CSNK1A1: variants seen among roughly 807,000 people sequenced by gnomAD.
CSNK1A1 encodes the protein casein kinase I isoform alpha.
In CSNK1A1, 7 loss-of-function variants were observed where a neutral mutation model predicts 46.1. That is an observed-to-expected ratio of 0.15 (90% CI 0.09 to 0.29). CSNK1A1 has a LOEUF of 0.29. CSNK1A1 is among the 10% of genes least tolerant of loss of function. The pLI is 1.00. For missense variants in CSNK1A1, 96 were observed against 417.1 expected (o/e 0.23, Z 6.71); for synonymous variants, 137 against 141.5 (o/e 0.97, Z 0.23).
Position 149,496,117 on chromosome 5 carries a change from G to A in CSNK1A1, c.*736C>T, listed in dbSNP as rs923053466. The A allele has an allele frequency of 1.3e-5, 2 of 152,378 alleles. No individual in the cohort carries two copies. Among genetic ancestry groups the A allele is most frequent in the African/African-American group, 4.8e-5 (2 of 41,362 alleles). 9.4% of individuals were successfully genotyped at this position (152,378 alleles called of 1,614,324 possible). A position where few individuals can be genotyped will look rare whatever the true frequency, so the allele number is the denominator to read the frequency against. On this transcript the variant is annotated 3_prime_UTR_variant, in exon 10 of 10. Coordinates refer to ENST00000377843, the MANE Select transcript of CSNK1A1 (RefSeq NM_001892.6). ...TCTAAGCAACATACATACATGTTCA[G>A]TTGTAAGATGTTAACTAAATTTCTG...
intron 2 of CSNK1A1, among the ~76,000 whole-genome samples, chr5:149,531,739 T>G (rs1367043229): frequency 2.1e-5 from 3 of 146,202 alleles, no homozygotes; most frequent in African/African-American, 7.6e-5. Context: ...CACATGGTGG[T>G]GGGGACCTGT....
intron 9 of CSNK1A1, chr5:149,505,054 C>T: frequency 1.0e-6 from 1 of 988,252 alleles, no homozygotes; most frequent in Non-Finnish European, 1.2e-6. Context: ...ATATGGCTAA[C>T]CAAATTCATT....
Position 149,525,066 on chromosome 5 carries a change from A to C in CSNK1A1, c.336T>G (p.Thr112=). ...NFCSRRFTMK[T]VLMLADQMIS... ...ATACCTGGTCAGCTAACATAAGTAC[A>C]GTTTTCATTGTGAACCTTCTTGAAC... is the stretch of plus-strand genomic sequence containing the variant. Residue 112 remains threonine (T), a synonymous_variant, in exon 3 of 10, where the codon ACT becomes ACG. Transcript: ENST00000377843. This position sits in a 1 kb window ranked among gnomAD's most constrained non-coding sequence, Gnocchi z 4.2. 10 of 1,613,004 alleles carry C rather than the reference A, an allele frequency of 6.2e-6. No individual in the cohort carries two copies. Among genetic ancestry groups the C allele is most frequent in the Non-Finnish European group, 8.5e-6 (10 of 1,179,460 alleles).
intron 9 of CSNK1A1, chr5:149,498,464 CCT>C: frequency 1.0e-6 from 1 of 985,134 alleles, no homozygotes; most frequent in Non-Finnish European, 1.2e-6. Flanking sequence ...CTGACTATAC[CCT>C]GTGACCAAAT....
chr5:149,538,354 T>C (rs1203937879), intron 2 of CSNK1A1, among the ~76,000 whole-genome samples: 4 of 151,974 alleles, frequency 2.6e-5, no homozygotes, highest in Admixed American at 6.6e-5. Context: ...TGGCACAGGG[T>C]AGGTACCCTC....
chr5:149,534,098 G>T (rs1017362310), intron 2 of CSNK1A1, among the ~76,000 whole-genome samples: 2 of 152,136 alleles, frequency 1.3e-5, no homozygotes, highest in African/African-American at 4.8e-5. Flanking sequence ...TATCAATAAA[G>T]CTGATGAAGA....
At position 149,550,054 on chromosome 5, in the gene CSNK1A1, C is replaced by CTA; in HGVS notation, c.230+19_230+20dup. ...TTCCGTGCTTCCCTCAGCGGATCGC[C>CTA]TATATGCACCGGGTTCTTACCGTAT... On this transcript the variant is annotated intron_variant, in intron 2 of 9. Transcript: ENST00000377843. This position sits in a 1 kb window ranked among gnomAD's most constrained non-coding sequence, Gnocchi z 4.3. 6.2e-7 allele frequency: 1 copy of CTA among 1,610,458 alleles called. No homozygotes were observed. The highest frequency in any genetic ancestry group is 8.5e-7 in the Non-Finnish European group (1 of 1,177,888).
intron 2 of CSNK1A1, chr5:149,545,690 C>T: frequency 2.6e-6 from 2 of 779,750 alleles, no homozygotes; most frequent in South Asian, 1.5e-5. Context: ...TTCTTTAGGC[C>T]CTTCTTGTGC....
chr5:149,538,249 C>T (rs1465605827), intron 2 of CSNK1A1, among the ~76,000 whole-genome samples: 2 of 151,618 alleles, frequency 1.3e-5, no homozygotes, highest in Admixed American at 6.6e-5. Flanking sequence ...CTCGAACTCC[C>T]GACCTCAGGT....
intron 2 of CSNK1A1, chr5:149,545,785 C>T (rs1762461363): frequency 5.2e-6 from 3 of 576,230 alleles, no homozygotes; most frequent in East Asian, 7.4e-5. Flanking sequence ...TGGTGTGGTT[C>T]GTGGACTTGG....
At chr5:149,509,835 C>T (rs1296920477) in intron 7 of CSNK1A1, 44 bp downstream of exon 7, 1 of 1,457,686 alleles carries the variant, frequency 6.9e-7, no homozygotes, top group Non-Finnish European at 9.5e-7. Context: ...GCCATTGTGC[C>T]TGGCTTCATT....
chr5:149,503,933 G>A (rs1760951044), intron 9 of CSNK1A1: 2 of 985,280 alleles, frequency 2.0e-6, no homozygotes, highest in Non-Finnish European at 2.4e-6. Context: ...TTCATTTTGT[G>A]AGAAAAAGCA....
At chr5:149,530,116 T>C (rs1029913387) in intron 2 of CSNK1A1, among the ~76,000 whole-genome samples, 1 of 152,138 alleles carries the variant, frequency 6.6e-6, no homozygotes, top group Non-Finnish European at 1.5e-5. Context: ...TTAATGTAGA[T>C]CTTCCCCTTC....
chr5:149,550,734 C>A lies in CSNK1A1; in HGVS notation c.123+108G>T, dbSNP rs1055551664. 8.1e-6 allele frequency: 12 copies of A among 1,482,724 alleles called. No homozygotes were observed. Among genetic ancestry groups the A allele is most frequent in the South Asian group, 6.2e-5 (5 of 80,428 alleles). The allele number at this position is 1,482,724 out of a possible 1,614,324, so 91.8% of individuals were successfully genotyped here. A position where few individuals can be genotyped will look rare whatever the true frequency, so the allele number is the denominator to read the frequency against. On this transcript the variant is annotated intron_variant, in intron 1 of 9. Transcript: ENST00000377843. This position sits in a 1 kb window ranked among gnomAD's most constrained non-coding sequence, Gnocchi z 4.3. The stretch of plus-strand genomic sequence containing the variant: ...AAAACTAGCTCCCTGGACTCCCTGG[C>A]GAGTGCGTGCGATGAGGAGAGGCCC...
chr5:149,504,662 T>A, intron 9 of CSNK1A1: 1 of 985,488 alleles, frequency 1.0e-6, no homozygotes, highest in Non-Finnish European at 1.2e-6. Flanking sequence ...GCGGTTTCAA[T>A]GGCATTTGCC....
At position 149,493,361 on chromosome 5, in the gene CSNK1A1, C is replaced by CTTTTTTTTTTTTTTTTTTTTT. The variant is rs66724848; in HGVS notation, c.*3471_*3491dup. 1 of 117,806 alleles carries CTTTTTTTTTTTTTTTTTTTTT rather than the reference C, an allele frequency of 8.5e-6. No homozygotes were observed. The highest frequency in any genetic ancestry group is 1.8e-5 in the Non-Finnish European group (1 of 55,924). The allele number at this position is 117,806 out of a possible 1,614,324, so 7.3% of individuals were successfully genotyped here. A position where few individuals can be genotyped will look rare whatever the true frequency, so the allele number is the denominator to read the frequency against. On this transcript the variant is annotated 3_prime_UTR_variant, in exon 10 of 10. Coordinates refer to ENST00000377843, the MANE Select transcript of CSNK1A1 (RefSeq NM_001892.6). Reference sequence around the variant, plus strand: ...GTGTGCCACTGCTCCTAGCCAACCACTTTTTTTTTTTTTTTTTTTTTTAGA... The same window carrying CTTTTTTTTTTTTTTTTTTTTT: ...GTGTGCCACTGCTCCTAGCCAACCACTTTTTTTTTTTTTTTTTTTTTTTTTTTTTTTTTTTTTTTTTTTAGA...
chr5:149,505,339 T>G, intron 9 of CSNK1A1, 108 bp downstream of exon 9: 1 of 1,461,702 alleles, frequency 6.8e-7, no homozygotes, highest in Non-Finnish European at 9.0e-7. Context: ...GAGCCAAATT[T>G]TTATGTATTT....
chr5:149,526,991 A>C (rs1418290190), intron 2 of CSNK1A1, among the ~76,000 whole-genome samples: 5 of 152,218 alleles, frequency 3.3e-5, no homozygotes, highest in Non-Finnish European at 7.3e-5. Flanking sequence ...ATAACTGCCA[A>C]GCACACAAAA....
At position 149,502,993 on chromosome 5, in the gene CSNK1A1, T is replaced by C. The variant is rs186868361; in HGVS notation, c.1006+2454A>G. On this transcript the variant is annotated intron_variant, in intron 9 of 9. Transcript: ENST00000377843. Reference sequence around the variant, plus strand: ...CATGTTGGCCAGACTCTCGAACTCCTGGCCTCAAGTGATCTGCTTGCCTCA... The same window carrying C: ...CATGTTGGCCAGACTCTCGAACTCCCGGCCTCAAGTGATCTGCTTGCCTCA... 2.3e-4 allele frequency: 195 copies of C among 862,636 alleles called. No homozygotes were observed. In the African/African-American group the frequency reaches 3.3e-3, roughly 15 times the overall value. The allele number at this position is 862,636 out of a possible 1,614,324, so 53.4% of individuals were successfully genotyped here. A position where few individuals can be genotyped will look rare whatever the true frequency, so the allele number is the denominator to read the frequency against.
Sources: gnomAD v4.1 joint callset for allele counts (sites outside exome capture counted in the v4.1 genomes callset) on GRCh38, gnomAD v4.1.1 for gene constraint, Gnocchi (gnomAD v3.1) non-coding constraint, MANE v1.5 for transcripts, NCBI Gene and HGNC (gene_info 2026-07-23, HGNC 2026-07-21) for gene names.